The following CSGALNACT1 variants were observed in gnomAD, a reference collection of about 807,000 sequenced individuals.
CSGALNACT1 encodes the protein chondroitin sulfate N-acetylgalactosaminyltransferase 1, also known as beta4GalNAcT-1.
Under a neutral mutation model 51.0 loss-of-function variants are expected in CSGALNACT1, and 52 were observed. The observed-to-expected ratio is 1.02, with a 90% confidence interval of 0.82 to 1.29. The LOEUF (loss-of-function observed/expected upper bound fraction) is 1.29. Ranked by LOEUF, CSGALNACT1 falls within the 50% of genes most tolerant of loss-of-function variation. The probability of loss-of-function intolerance (pLI) is 0.00; values close to 1 mark genes in which losing one functional copy is unlikely to be tolerated. For missense variants in CSGALNACT1, 935 were observed against 679.2 expected, an observed-to-expected ratio of 1.38 and a Z score of -4.19; for synonymous variants, 341 against 254.4, an observed-to-expected ratio of 1.34 and a Z score of -3.24.
intron 1 of CSGALNACT1, among the ~76,000 whole-genome samples, chr8:19,672,968 C>T (rs141838904): frequency 2.6e-5 from 4 of 152,352 alleles, no homozygotes; most frequent in African/African-American, 9.6e-5. Context: ...CACTGTATCT[C>T]ACTGCTTCTA....
chr8:19,497,826 T>G (rs4073790), intron 4 of CSGALNACT1, among the ~76,000 whole-genome samples: 59,717 of 152,000 alleles, frequency 0.39, 12,034 homozygotes, highest in African/African-American at 0.48. Context: ...GATAAATGCA[T>G]ATCTGATTGC....
chr8:19,650,855 C>A (rs1172156953), intron 1 of CSGALNACT1, among the ~76,000 whole-genome samples: 1 of 152,162 alleles, frequency 6.6e-6, no homozygotes, highest in Admixed American at 6.5e-5. Flanking sequence ...GTGGCCTAAA[C>A]CTGCACTTCC....
At chr8:19,470,593 A>T (rs1387735863) in intron 4 of CSGALNACT1, among the ~76,000 whole-genome samples, 1 of 152,162 alleles carries the variant, frequency 6.6e-6, no homozygotes, top group Non-Finnish European at 1.5e-5. Flanking sequence ...GGAAGTGTTA[A>T]CAGGTAGCTG....
intron 8 of CSGALNACT1, among the ~76,000 whole-genome samples, chr8:19,413,525 G>A (rs2056295042): frequency 6.6e-6 from 1 of 152,212 alleles, no homozygotes; most frequent in Non-Finnish European, 1.5e-5. Context: ...TTCAGCGGGT[G>A]TATGTTTCCT....
chr8:19,418,652 T>C lies in CSGALNACT1; in HGVS notation c.1227+4A>G. The C allele has an allele frequency of 6.3e-7, 1 of 1,598,246 alleles. No individual in the cohort carries two copies. Among genetic ancestry groups the C allele is most frequent in the Non-Finnish European group, 8.6e-7 (1 of 1,165,578 alleles). ...ACAGAGCCATCTGCAGGGTAATTAC[T>C]CACCAGCTGCTGTTCCAAGGGAGGG... On this transcript the variant is annotated splice_donor_region_variant and intron_variant, in intron 8 of 9. Transcript: ENST00000454498.
chr8:19,662,286 G>A (rs964913766), intron 1 of CSGALNACT1, among the ~76,000 whole-genome samples: 2 of 151,938 alleles, frequency 1.3e-5, no homozygotes, highest in African/African-American at 4.8e-5. Flanking sequence ...AGGAGGCTGA[G>A]GCAGGAAATC....
chr8:19,460,577 C>A (rs570912841), intron 4 of CSGALNACT1, among the ~76,000 whole-genome samples: 13 of 152,306 alleles, frequency 8.5e-5, no homozygotes, highest in African/African-American at 3.1e-4. Context: ...CAGTCACTGA[C>A]TGGCTACAGA....
chr8:19,725,085 C>T (rs560345031), intron 1 of CSGALNACT1, among the ~76,000 whole-genome samples: 1 of 152,210 alleles, frequency 6.6e-6, no homozygotes. Context: ...TGCTGTTTAA[C>T]CTGATGCAGG....
intron 8 of CSGALNACT1, among the ~76,000 whole-genome samples, 165 bp downstream of exon 7, chr8:19,418,491 T>C (rs2057315518): frequency 2.0e-5 from 3 of 152,202 alleles, no homozygotes; most frequent in Non-Finnish European, 2.9e-5. Flanking sequence ...GCACTTTTAA[T>C]CAACGAGGCG....
chr8:19,450,682 T>C (rs1226669852), intron 5 of CSGALNACT1, among the ~76,000 whole-genome samples: 2 of 152,028 alleles, frequency 1.3e-5, no homozygotes, highest in Non-Finnish European at 2.9e-5. Context: ...TGTAAAGTGA[T>C]CTTTACAGAT....
chr8:19,735,388 C>T (rs1179654829), intron 1 of CSGALNACT1, among the ~76,000 whole-genome samples: 1 of 152,136 alleles, frequency 6.6e-6, no homozygotes, highest in Non-Finnish European at 1.5e-5. Flanking sequence ...TGAACAAATA[C>T]ACTTTAAATA....
At chr8:19,742,634 T>G (rs1328594622) in intron 1 of CSGALNACT1, among the ~76,000 whole-genome samples, 1 of 152,202 alleles carries the variant, frequency 6.6e-6, no homozygotes, top group Non-Finnish European at 1.5e-5. Context: ...TCATTGAGAT[T>G]TCAGCTTCTA....
rs539121790 is a variant in CSGALNACT1 at position 19,644,990 on chromosome 8, G to A, written c.-544+37483C>T. Among the ~76,000 whole-genome samples the A allele has an allele frequency of 1.1e-4, 17 of 152,114 alleles. No individual in the cohort carries two copies. In the East Asian group the frequency reaches 2.5e-3, roughly 22 times the overall value. On this transcript the variant is annotated intron_variant, in intron 1 of 9. Transcript: ENST00000332246. The stretch of plus-strand genomic sequence containing the variant: ...GTCTGGCCAAGAAACAAATTTAAGA[G>A]TAAAAATCCAGTTTTGATAAAAATG...
In CSGALNACT1 at chr8:19,675,801, T is replaced by C. The variant is rs554229622; in HGVS notation, c.-544+6672A>G. 5.3e-5 allele frequency among the ~76,000 whole-genome samples: 8 copies of C among 152,160 alleles called. No homozygotes were observed. The South Asian group carries it at 1.7e-3, about 32-fold the overall frequency. Reference sequence around the variant, plus strand: ...CTGTGCCCTGCGCCCTAATTCTATATATGAACCTCCACCCCACTCTGCCCA... The same window carrying C: ...CTGTGCCCTGCGCCCTAATTCTATACATGAACCTCCACCCCACTCTGCCCA... On this transcript the variant is annotated intron_variant, in intron 1 of 9. Coordinates refer to the CSGALNACT1 transcript ENST00000332246.
intron 1 of CSGALNACT1, among the ~76,000 whole-genome samples, chr8:19,699,315 A>C (rs1408841735): frequency 6.6e-6 from 1 of 152,242 alleles, no homozygotes; most frequent in African/African-American, 2.4e-5. Context: ...TGAAAGCAGG[A>C]TCTCAAAGAG....
intron 6 of CSGALNACT1, among the ~76,000 whole-genome samples, chr8:19,439,070 C>T (rs186914453): frequency 1.3e-5 from 2 of 152,220 alleles, no homozygotes; most frequent in Non-Finnish European, 2.9e-5. Flanking sequence ...AATTGCCCCC[C>T]TGCAAACCTC....
At chr8:19,667,059 G>GGAAAACA (rs1285437541) in intron 1 of CSGALNACT1, among the ~76,000 whole-genome samples, 1 of 117,894 alleles carries the variant, frequency 8.5e-6, no homozygotes, top group African/African-American at 3.2e-5. Context: ...AAGAAAGAAA[G>GGAAAACA]AAAGAAAGAA....
intron 3 of CSGALNACT1, among the ~76,000 whole-genome samples, chr8:19,553,639 A>ATATATATATATATATAT (rs869251447): frequency 9.5e-5 from 12 of 126,594 alleles, no homozygotes; most frequent in African/African-American, 3.8e-4. Context: ...ATATATATAT[A>ATATATATATATATATAT]AAAAAATATG....
chr8:19,718,060 G>T (rs944007677), intron 1 of CSGALNACT1, among the ~76,000 whole-genome samples: 2 of 152,110 alleles, frequency 1.3e-5, no homozygotes, highest in Admixed American at 6.5e-5. Context: ...GGGGCCCAGA[G>T]TCCCTTTTTA....
Sources: allele counts gnomAD v4.1 joint callset (sites outside exome capture counted in the v4.1 genomes callset), GRCh38; gene constraint gnomAD v4.1.1; transcripts MANE v1.5; gene names NCBI Gene and HGNC (gene_info 2026-07-23, HGNC 2026-07-21).